TENT5C: variants seen among roughly 807,000 people sequenced by gnomAD.
TENT5C encodes terminal nucleotidyltransferase 5C.
A neutral mutation model predicts 22.2 loss-of-function variants in TENT5C; 5 were observed. That is an observed-to-expected ratio of 0.22 (90% CI 0.12 to 0.47). The LOEUF (loss-of-function observed/expected upper bound fraction) is 0.47, where lower values mean the gene tolerates loss of function less well. TENT5C is among the 20% of genes least tolerant of loss of function. The probability of loss-of-function intolerance (pLI) is 0.99; values close to 1 mark genes in which losing one functional copy is unlikely to be tolerated. For missense variants in TENT5C, 364 were observed against 500.9 expected (o/e 0.73, Z 2.61); for synonymous variants, 199 against 195.4 (o/e 1.02, Z -0.15).
rs1035859699 is a variant in TENT5C at position 117,625,570 on chromosome 1, G to T, written c.*1526G>T. The T allele has an allele frequency of 4.0e-6, 1 of 247,972 alleles. No homozygotes were observed. Among genetic ancestry groups the T allele is most frequent in the African/African-American group, 2.2e-5 (1 of 45,314 alleles). The allele number at this position is 247,972 out of a possible 1,614,324, so 15.4% of individuals were successfully genotyped here. Reference sequence around the variant, plus strand: ...CAGAGACACTCAATATTGCCAGCCAGCTTGGGTTCTAAAGTGATTTAATCA... The same window carrying T: ...CAGAGACACTCAATATTGCCAGCCATCTTGGGTTCTAAAGTGATTTAATCA... On this transcript the variant is annotated 3_prime_UTR_variant, in exon 2 of 2. Transcript: ENST00000369448.
chr1:117,620,352 A>G (rs1017273889), intron 1 of TENT5C, among the ~76,000 whole-genome samples: 2 of 152,240 alleles, frequency 1.3e-5, no homozygotes, highest in Non-Finnish European at 2.9e-5. Flanking sequence ...CTTGCATTAC[A>G]GCCTCTGGTT....
Position 117,612,375 on chromosome 1 carries a change from A to C in TENT5C, c.-28+6222A>C, listed in dbSNP as rs1653689175. 2.0e-5 allele frequency among the ~76,000 whole-genome samples: 3 copies of C among 150,300 alleles called. 1 individual carries two copies. In the South Asian group the frequency reaches 6.3e-4, roughly 31 times the overall value. On this transcript the variant is annotated intron_variant, in intron 1 of 1. Coordinates refer to ENST00000369448, the MANE Select transcript of TENT5C (RefSeq NM_017709.4). ...TTTTTTTTTTTTTATAGTTTCTTAG[A>C]GAATAATCATAAGGCAATAGAATTT...
At position 117,606,073 on chromosome 1, in the gene TENT5C, G is replaced by T. The variant is rs1174767105; in HGVS notation, c.-108G>T. ...GGCTCACTCGGTGCCGCTGCCTAGG[G>T]GCTGTAGAGGTCGCGCCGCTCCTGC... On this transcript the variant is annotated 5_prime_UTR_variant, in exon 1 of 2. Transcript: ENST00000369448. 1 of 152,426 alleles carries T rather than the reference G, an allele frequency of 6.6e-6. No homozygotes were observed. Among genetic ancestry groups the T allele is most frequent in the African/African-American group, 2.4e-5 (1 of 41,434 alleles). 9.4% of individuals were successfully genotyped at this position (152,426 alleles called of 1,614,324 possible).
Position 117,624,006 on chromosome 1 carries a change from T to C in TENT5C, c.1138T>C (p.Tyr380His), listed in dbSNP as rs746449090. The C allele has an allele frequency of 5.0e-6, 8 of 1,613,788 alleles. No homozygotes were observed. Among genetic ancestry groups the C allele is most frequent in the Non-Finnish European group, 6.8e-6 (8 of 1,179,936 alleles). ...NYYVAHPPVTYSQPYPTWLPC... is the reference protein window; with the variant it reads ...NYYVAHPPVTHSQPYPTWLPC... ...CTACGTTGCCCATCCTCCAGTCACC[T>C]ACAGCCAGCCTTACCCTACCTGGCT... is the stretch of plus-strand genomic sequence containing the variant. The change falls in exon 2 of 2, where the codon TAC becomes CAC. Residue 380 changes from tyrosine (Y) to histidine (H), a missense_variant. Coordinates refer to ENST00000369448, the MANE Select transcript of TENT5C (RefSeq NM_017709.4).
intron 1 of TENT5C, among the ~76,000 whole-genome samples, chr1:117,607,370 G>A (rs1653564945): frequency 2.0e-5 from 3 of 152,068 alleles, no homozygotes; most frequent in Non-Finnish European, 2.9e-5. Context: ...TAACATTTTT[G>A]CTTTCTTACG....
chr1:117,609,671 AG>A (rs1653623929), intron 1 of TENT5C, among the ~76,000 whole-genome samples: 1 of 152,186 alleles, frequency 6.6e-6, no homozygotes, highest in African/African-American at 2.4e-5. Context: ...CATGCAGTCG[AG>A]GCACTCCGAT....
Position 117,624,710 on chromosome 1 carries a change from G to A in TENT5C, c.*666G>A, listed in dbSNP as rs1653973463. The A allele has an allele frequency of 4.0e-6, 1 of 247,946 alleles. No individual in the cohort carries two copies. The highest frequency in any genetic ancestry group is 6.0e-5 in the East Asian group (1 of 16,560). The allele number at this position is 247,946 out of a possible 1,614,324, so 15.4% of individuals were successfully genotyped here. On this transcript the variant is annotated 3_prime_UTR_variant, in exon 2 of 2. Transcript: ENST00000369448. ...ATGCTGTACTATCCTGAGGAATTGC[G>A]AGATATTGCTGAGGGGAAAAAAAAA...
chr1:117,626,204 C>T lies in TENT5C; in HGVS notation c.*2160C>T, dbSNP rs11581122. On this transcript the variant is annotated 3_prime_UTR_variant, in exon 2 of 2. Coordinates refer to ENST00000369448, the MANE Select transcript of TENT5C (RefSeq NM_017709.4). Reference sequence around the variant, plus strand: ...TCTTCTACTTAGAAGGCTTGGGGCCCAGGGTAATGAGGCACCAGATGAAGA... The same window carrying T: ...TCTTCTACTTAGAAGGCTTGGGGCCTAGGGTAATGAGGCACCAGATGAAGA... 0.15 allele frequency: 36,740 copies of T among 247,770 alleles called. 3,188 individuals carry two copies. The highest frequency in any genetic ancestry group is 0.24 in the Admixed American group (4,294 of 17,776). 15.3% of individuals were successfully genotyped at this position (247,770 alleles called of 1,614,324 possible).
chr1:117,612,702 T>G (rs1273789656), intron 1 of TENT5C, among the ~76,000 whole-genome samples: 2 of 152,238 alleles, frequency 1.3e-5, no homozygotes, highest in African/African-American at 4.8e-5. Flanking sequence ...AATTAGCATC[T>G]GCTCTGAAAT....
At chr1:117,617,109 C>A (rs760791119) in intron 1 of TENT5C, among the ~76,000 whole-genome samples, 1 of 152,222 alleles carries the variant, frequency 6.6e-6, no homozygotes, top group Non-Finnish European at 1.5e-5. Flanking sequence ...CTCCCGCTCG[C>A]CCACCTTGGG....
chr1:117,622,564 C>T (rs1031682013), intron 1 of TENT5C, among the ~76,000 whole-genome samples: 1 of 151,876 alleles, frequency 6.6e-6, no homozygotes, highest in Non-Finnish European at 1.5e-5. Context: ...AAACACACTC[C>T]GTTTCAGCAC....
chr1:117,624,240 C>T lies in TENT5C; in HGVS notation c.*196C>T, dbSNP rs1653964437. On this transcript the variant is annotated 3_prime_UTR_variant, in exon 2 of 2. Coordinates refer to ENST00000369448, the MANE Select transcript of TENT5C (RefSeq NM_017709.4). ...ATCATGAGCCAACCCTCAAAGGACC[C>T]GTATTACAGTGCCACGTTGGAAAAC... is the stretch of plus-strand genomic sequence containing the variant. 2.5e-5 allele frequency: 14 copies of T among 569,580 alleles called. No homozygotes were observed. In the South Asian group the frequency reaches 2.5e-4, roughly 10 times the overall value. 35.3% of individuals were successfully genotyped at this position (569,580 alleles called of 1,614,324 possible).
At chr1:117,613,626 G>T (rs1653716697) in intron 1 of TENT5C, among the ~76,000 whole-genome samples, 1 of 152,188 alleles carries the variant, frequency 6.6e-6, no homozygotes, top group Non-Finnish European at 1.5e-5. Flanking sequence ...TCACAGCCTG[G>T]TTCTGTGGCC....
At chr1:117,620,601 A>G (rs143184291) in intron 1 of TENT5C, among the ~76,000 whole-genome samples, 188 of 152,290 alleles carry the variant, frequency 1.2e-3, no homozygotes, top group African/African-American at 4.3e-3. Context: ...CCACGGGCCA[A>G]TACCAGTCCG....
chr1:117,612,471 T>C (rs1653690600), intron 1 of TENT5C, among the ~76,000 whole-genome samples: 1 of 152,174 alleles, frequency 6.6e-6, no homozygotes, highest in African/African-American at 2.4e-5. Context: ...AATTAAGTTT[T>C]ATCAACAATT....
At chr1:117,613,639 C>T (rs368787433) in intron 1 of TENT5C, among the ~76,000 whole-genome samples, 1 of 152,146 alleles carries the variant, frequency 6.6e-6, no homozygotes. Context: ...CTGTGGCCTG[C>T]CTGGGTTTCA....
Position 117,623,771 on chromosome 1 carries a change from A to G in TENT5C, c.903A>G (p.Arg301=). 1.2e-6 allele frequency: 2 copies of G among 1,614,160 alleles called. No individual in the cohort carries two copies. The highest frequency in any genetic ancestry group is 1.7e-5 in the Admixed American group (1 of 60,014). ...AAAACCACTTCGCTGAAGAAGAGAGAAGCAAGTACGACTACCTCATGATCC... is the reference window on the plus strand; with the variant it reads ...AAAACCACTTCGCTGAAGAAGAGAGGAGCAAGTACGACTACCTCATGATCC... The part of the protein sequence containing the change: ...YLQNHFAEEE[R]SKYDYLMILR... The change falls in exon 2 of 2, where the codon AGA becomes AGG. Residue 301 remains arginine (R), a synonymous_variant. Coordinates refer to ENST00000369448, the MANE Select transcript of TENT5C (RefSeq NM_017709.4).
At chr1:117,608,035 G>A (rs1653580197) in intron 1 of TENT5C, among the ~76,000 whole-genome samples, 1 of 150,458 alleles carries the variant, frequency 6.6e-6, no homozygotes, top group African/African-American at 2.5e-5. Flanking sequence ...GTATATAATT[G>A]TTCAGGTAGC....
rs773285739 is a variant in TENT5C, at chr1:117,623,955, G to A, written c.1087G>A (p.Val363Ile). 1.1e-5 allele frequency: 18 copies of A among 1,613,998 alleles called. No homozygotes were observed. The highest frequency in any genetic ancestry group is 3.3e-5 in the Admixed American group (2 of 60,002). Residue 363 changes from valine to isoleucine, a missense_variant, in exon 2 of 2, where the codon GTC (valine) becomes ATC (isoleucine). Val to Ile is a conservative substitution (Grantham distance 29). Coordinates refer to ENST00000369448, the MANE Select transcript of TENT5C (RefSeq NM_017709.4). Reference protein sequence around the residue: ...VTCYYQPAPYVSDGNFSNYYV... With the variant: ...VTCYYQPAPYISDGNFSNYYV... ...CTGTTACTACCAGCCGGCCCCTTAC[G>A]TCAGTGATGGCAACTTCAGCAACTA...
Sources: gnomAD v4.1 joint callset for allele counts (sites outside exome capture counted in the v4.1 genomes callset) on GRCh38, gnomAD v4.1.1 for gene constraint, MANE v1.5 for transcripts, NCBI Gene and HGNC (gene_info 2026-07-23, HGNC 2026-07-21) for gene names.